Variants in ELP4 observed in about 807,000 individuals in gnomAD.
ELP4 encodes elongator acetyltransferase complex subunit 4, also known as elongator complex protein 4.
In ELP4, 51 loss-of-function variants were observed where a neutral mutation model predicts 48.9. The ratio of observed to expected loss-of-function variants is 1.04; its 90% CI spans 0.83 to 1.32. The LOEUF (loss-of-function observed/expected upper bound fraction) is 1.32. ELP4 is among the 40% of genes most tolerant of loss of function. The pLI is 0.00. For synonymous variants in ELP4, 210 were observed against 189.2 expected (o/e 1.11, Z -0.90); for missense variants, 519 against 514.6 (o/e 1.01, Z -0.08).
intron 9 of ELP4, chr11:31,763,631 A>C: frequency 7.1e-7 from 1 of 1,408,500 alleles, no homozygotes; most frequent in Non-Finnish European, 9.5e-7. Context: ...TTAAGGGATG[A>C]TAGTTTAAGG....
At chr11:31,611,294 A>G in intron 5 of ELP4, among the ~76,000 whole-genome samples, 1 of 152,186 alleles carries the variant, frequency 6.6e-6, no homozygotes, top group East Asian at 1.9e-4. Context: ...AAGGCACTGA[A>G]TTTTAATTTT....
intron 5 of ELP4, among the ~76,000 whole-genome samples, chr11:31,605,610 T>A (rs1432587243): frequency 6.6e-6 from 1 of 152,116 alleles, no homozygotes; most frequent in Non-Finnish European, 1.5e-5. Flanking sequence ...TGAAAAATAA[T>A]ATGGTGTTAC....
chr11:31,733,359 C>T (rs1383377871), intron 9 of ELP4, among the ~76,000 whole-genome samples: 1 of 151,566 alleles, frequency 6.6e-6, no homozygotes, highest in African/African-American at 2.4e-5. Context: ...CACCTGTACT[C>T]CCAGCTACTC....
intron 3 of ELP4, among the ~76,000 whole-genome samples, chr11:31,547,760 C>T (rs1956761274): frequency 6.6e-6 from 1 of 152,176 alleles, no homozygotes; most frequent in Admixed American, 6.5e-5. Context: ...AAACCGAATC[C>T]AGCAGCACAT....
rs533601111 is a variant in ELP4, at chr11:31,512,978, A to G, written c.223+2971A>G. 7.9e-5 allele frequency among the ~76,000 whole-genome samples: 12 copies of G among 152,186 alleles called. 1 individual carries two copies. Among genetic ancestry groups the G allele is most frequent in the African/African-American group, 2.9e-4 (12 of 41,494 alleles). On this transcript the variant is annotated intron_variant, in intron 1 of 9. Coordinates refer to ENST00000640961, the MANE Select transcript of ELP4 (RefSeq NM_019040.5). ...ATTTTGATAGTGAAGGGAATGTCAG[A>G]TAGGGATTTGAGGTAAATAATAGTC...
chr11:31,761,593 G>C (rs1042985201), intron 9 of ELP4, among the ~76,000 whole-genome samples: 3 of 152,102 alleles, frequency 2.0e-5, no homozygotes, highest in African/African-American at 7.2e-5. Context: ...AATAGCATGG[G>C]CAATAAAGGA....
At chr11:31,615,367 A>G (rs1240773067) in intron 5 of ELP4, among the ~76,000 whole-genome samples, 1 of 152,080 alleles carries the variant, frequency 6.6e-6, no homozygotes, top group Non-Finnish European at 1.5e-5. Context: ...AAATGTCACT[A>G]CATCAAAAGA....
intron 9 of ELP4, among the ~76,000 whole-genome samples, chr11:31,665,529 ATAT>A (rs1340833401): frequency 6.6e-6 from 1 of 152,066 alleles, no homozygotes; most frequent in African/African-American, 2.4e-5. Context: ...GCTTTCTAAA[ATAT>A]TATATTATTG....
intron 1 of ELP4, among the ~76,000 whole-genome samples, chr11:31,516,361 T>C (rs1956111526): frequency 6.6e-6 from 1 of 152,244 alleles, no homozygotes; most frequent in African/African-American, 2.4e-5. Context: ...TAATTAAATG[T>C]TTATTTCTGC....
intron 7 of ELP4, chr11:31,647,464 TTC>T (rs1242818284): frequency 7.5e-6 from 2 of 265,400 alleles, no homozygotes; most frequent in Middle Eastern, 1.2e-3. Flanking sequence ...TCAATTTATG[TTC>T]TCTATCAGAA....
intron 9 of ELP4, among the ~76,000 whole-genome samples, chr11:31,760,297 A>T (rs771740713): frequency 1.3e-5 from 2 of 152,212 alleles, no homozygotes; most frequent in Non-Finnish European, 2.9e-5. Context: ...ACTTTGAAAC[A>T]TGTCACCACG....
chr11:31,738,167 A>T (rs1367432795), intron 9 of ELP4, among the ~76,000 whole-genome samples: 1 of 150,112 alleles, frequency 6.7e-6, no homozygotes, highest in Non-Finnish European at 1.5e-5. Flanking sequence ...AGACCAAGAC[A>T]GGAAGATTGC....
At chr11:31,696,874 TAA>T (rs777571704) in intron 9 of ELP4, among the ~76,000 whole-genome samples, 33 of 151,920 alleles carry the variant, frequency 2.2e-4, no homozygotes, top group Non-Finnish European at 2.4e-4. Flanking sequence ...GCAAATTGGA[TAA>T]AGAGTCAAGA....
At chr11:31,671,679 A>T (rs1317709665) in intron 9 of ELP4, among the ~76,000 whole-genome samples, 2 of 152,318 alleles carry the variant, frequency 1.3e-5, no homozygotes, top group East Asian at 3.9e-4. Flanking sequence ...GAGTATTTAG[A>T]TGGCAGACCA....
chr11:31,748,473 G>A (rs1947648132), intron 9 of ELP4, among the ~76,000 whole-genome samples: 1 of 151,918 alleles, frequency 6.6e-6, no homozygotes, highest in African/African-American at 2.4e-5. Context: ...TTGAACTCCT[G>A]ACCTCAGGTG....
chr11:31,629,611 T>C (rs182808740), intron 6 of ELP4, among the ~76,000 whole-genome samples: 3 of 152,192 alleles, frequency 2.0e-5, no homozygotes, highest in African/African-American at 7.2e-5. Flanking sequence ...ACAGCATTTT[T>C]GTTGTAAACT....
rs139301351 is a variant in ELP4, at chr11:31,699,535, C to G, written c.1143+49314C>G. On this transcript the variant is annotated intron_variant, in intron 9 of 9. Transcript: ENST00000640961. Reference sequence around the variant, plus strand: ...AGGAATGATAAAAATAGAAAATCACCATTTGACAGTCATAGTTCATCACCC... The same window carrying G: ...AGGAATGATAAAAATAGAAAATCACGATTTGACAGTCATAGTTCATCACCC... Among the ~76,000 whole-genome samples, 1,186 of 152,142 alleles carry G rather than the reference C, an allele frequency of 7.8e-3. 10 individuals carry two copies. The highest frequency in any genetic ancestry group is 0.02 in the South Asian group (97 of 4,818).
chr11:31,624,255 G>A (rs1250520747), intron 5 of ELP4, among the ~76,000 whole-genome samples: 1 of 151,636 alleles, frequency 6.6e-6, no homozygotes, highest in African/African-American at 2.4e-5. Context: ...ATACATTATT[G>A]GACAATTTCA....
chr11:31,728,753 A>G (rs1378391652), intron 9 of ELP4, among the ~76,000 whole-genome samples: 1 of 152,206 alleles, frequency 6.6e-6, no homozygotes, highest in Non-Finnish European at 1.5e-5. Flanking sequence ...TTTGTTATAT[A>G]AATAGGATAG....
Sources: allele counts gnomAD v4.1 joint callset (sites outside exome capture counted in the v4.1 genomes callset), GRCh38; gene constraint gnomAD v4.1.1; transcripts MANE v1.5; gene names NCBI Gene and HGNC (gene_info 2026-07-23, HGNC 2026-07-21).